VAV3: variants seen among roughly 807,000 people sequenced by gnomAD.
The protein encoded by VAV3 is guanine nucleotide exchange factor VAV3.
In VAV3, 94 loss-of-function variants were observed where a neutral mutation model predicts 131.2. The observed-to-expected ratio is 0.72, with a 90% CI of 0.61 to 0.85. The LOEUF (loss-of-function observed/expected upper bound fraction) is 0.85. Ranked by LOEUF, VAV3 falls within the 40% of genes least tolerant of loss-of-function variation. The pLI, the probability that VAV3 is intolerant of heterozygous loss-of-function variation, is 0.00. For synonymous variants in VAV3, 349 were observed against 342.0 expected (o/e 1.02, Z -0.22); for missense variants, 939 against 1,002.7 (o/e 0.94, Z 0.86).
intron 20 of VAV3, among the ~76,000 whole-genome samples, chr1:107,635,828 A>T (rs1654890078): frequency 6.6e-6 from 1 of 152,156 alleles, no homozygotes; most frequent in Non-Finnish European, 1.5e-5. Context: ...CGTAATAGTA[A>T]AGAGATTGGA....
intron 1 of VAV3, among the ~76,000 whole-genome samples, chr1:107,913,363 C>T (rs6685719): frequency 0.034 from 5,113 of 152,236 alleles, 213 homozygotes; most frequent in African/African-American, 0.093. Flanking sequence ...CTCTGGCATG[C>T]CATTGTGCCC....
chr1:107,749,841 T>G (rs993862428), intron 13 of VAV3, among the ~76,000 whole-genome samples: 3 of 152,046 alleles, frequency 2.0e-5, no homozygotes, highest in African/African-American at 7.2e-5. Context: ...ATAGTAAGAG[T>G]AAAATGCACA....
intron 23 of VAV3, 116 bp from the exon 24 acceptor site, chr1:107,602,600 T>C (rs1366227979): frequency 2.7e-6 from 2 of 749,058 alleles, no homozygotes; most frequent in East Asian, 3.2e-5. Flanking sequence ...GACAAAAATA[T>C]ATACCTATGC....
intron 1 of VAV3, among the ~76,000 whole-genome samples, chr1:107,956,243 A>T (rs776277785): frequency 2.6e-5 from 4 of 152,206 alleles, no homozygotes; most frequent in Non-Finnish European, 4.4e-5. Flanking sequence ...GTTGAGAGAA[A>T]GAAGGGAGAA....
rs1399161164 is a variant in VAV3, at chr1:107,675,770, T to A, written c.1777+7718A>T. 2.6e-5 allele frequency among the ~76,000 whole-genome samples: 4 copies of A among 152,132 alleles called. No homozygotes were observed. The East Asian group carries it at 7.7e-4, about 29-fold the overall frequency. On this transcript the variant is annotated intron_variant, in intron 19 of 26. Transcript: ENST00000370056. ...CGATAAACCAATCTATGCTAACATG[T>A]CAGTAGATAACAGTAGAAAAAAGGA...
intron 1 of VAV3, among the ~76,000 whole-genome samples, chr1:107,954,037 C>T (rs1020555933): frequency 6.6e-6 from 1 of 152,112 alleles, no homozygotes; most frequent in Non-Finnish European, 1.5e-5. Context: ...AACTACTTTG[C>T]TGTTCATGGT....
chr1:107,945,274 T>C (rs955993322), intron 1 of VAV3, among the ~76,000 whole-genome samples: 1 of 152,222 alleles, frequency 6.6e-6, no homozygotes, highest in Non-Finnish European at 1.5e-5. Context: ...CAAGATACAT[T>C]TGAATTTTTT....
chr1:107,745,855 C>T (rs899930610), intron 15 of VAV3, among the ~76,000 whole-genome samples: 1 of 152,152 alleles, frequency 6.6e-6, no homozygotes, highest in African/African-American at 2.4e-5. Flanking sequence ...CTCACCAATG[C>T]CTCCCTTTCC....
intron 2 of VAV3, among the ~76,000 whole-genome samples, chr1:107,866,354 C>T (rs909996021): frequency 7.9e-5 from 12 of 152,120 alleles, no homozygotes; most frequent in African/African-American, 2.9e-4. Context: ...ATACCTTCCC[C>T]TGGTGATAAA....
intron 23 of VAV3, 152 bp downstream of exon 23, chr1:107,602,895 A>G: frequency 1.8e-6 from 1 of 569,458 alleles, no homozygotes; most frequent in South Asian, 3.1e-5. Flanking sequence ...TCAAAGATAT[A>G]TTTTCAAGTA....
At chr1:107,948,985 C>T (rs1674403960) in intron 1 of VAV3, among the ~76,000 whole-genome samples, 2 of 152,182 alleles carry the variant, frequency 1.3e-5, no homozygotes, top group South Asian at 2.1e-4. Flanking sequence ...GCAAATTTAA[C>T]TTTCAACTAT....
At chr1:107,727,311 A>C (rs909620038) in intron 15 of VAV3, among the ~76,000 whole-genome samples, 1 of 152,168 alleles carries the variant, frequency 6.6e-6, no homozygotes, top group African/African-American at 2.4e-5. Context: ...TTTTCCATCC[A>C]GTTTCCTATT....
chr1:107,604,017 C>A (rs1161427552), intron 22 of VAV3, among the ~76,000 whole-genome samples: 1 of 145,644 alleles, frequency 6.9e-6, no homozygotes, highest in Non-Finnish European at 1.5e-5. Flanking sequence ...CATACAGAAA[C>A]TCCATAATAA....
At chr1:107,770,896 AAAATCGTG>A (rs1178162674) in intron 5 of VAV3, among the ~76,000 whole-genome samples, 168 bp from the exon 6 acceptor site, 1 of 152,186 alleles carries the variant, frequency 6.6e-6, no homozygotes, top group African/African-American at 2.4e-5. Flanking sequence ...TGTTTTTATA[AAAATCGTG>A]AACAATGTAA....
intron 2 of VAV3, among the ~76,000 whole-genome samples, chr1:107,801,595 T>TA (rs2102303272): frequency 6.6e-6 from 1 of 152,288 alleles, no homozygotes. Flanking sequence ...CAACCACTCA[T>TA]AGACTATTGA....
intron 1 of VAV3, among the ~76,000 whole-genome samples, chr1:107,947,829 A>C (rs145507444): frequency 9.2e-5 from 14 of 152,260 alleles, no homozygotes; most frequent in African/African-American, 3.4e-4. Context: ...TTAAATAATC[A>C]CTCAATGACC....
intron 1 of VAV3, among the ~76,000 whole-genome samples, chr1:107,924,898 C>T (rs1183626294): frequency 1.3e-5 from 2 of 152,216 alleles, no homozygotes; most frequent in African/African-American, 4.8e-5. Flanking sequence ...TTAAAAGCCA[C>T]TCTTAGTTCT....
chr1:107,573,789 C>A (rs1373101422), intron 26 of VAV3, among the ~76,000 whole-genome samples: 2 of 152,146 alleles, frequency 1.3e-5, no homozygotes, highest in Admixed American at 1.3e-4. Context: ...CTGAAATGCT[C>A]CTCGACTCTT....
intron 25 of VAV3, among the ~76,000 whole-genome samples, chr1:107,574,487 CA>C (rs888531413): frequency 2.0e-5 from 3 of 151,846 alleles, no homozygotes; most frequent in Admixed American, 1.3e-4. Flanking sequence ...CAAAACAAAA[CA>C]AAAAAACAAA....
Sources: gnomAD v4.1 joint callset for allele counts (sites outside exome capture counted in the v4.1 genomes callset) on GRCh38, gnomAD v4.1.1 for gene constraint, MANE v1.5 for transcripts, NCBI Gene and HGNC (gene_info 2026-07-23, HGNC 2026-07-21) for gene names.